NCAM1: variants seen among roughly 807,000 people sequenced by gnomAD.
NCAM1 encodes neural cell adhesion molecule 1, also known as antigen recognized by monoclonal antibody 5.1H11.
In NCAM1, 14 loss-of-function variants were observed where a neutral mutation model predicts 109.8. The ratio of observed to expected loss-of-function variants is 0.13; its 90% CI spans 0.08 to 0.20. The LOEUF (loss-of-function observed/expected upper bound fraction) is 0.20. Ranked by LOEUF, NCAM1 falls within the 10% of genes least tolerant of loss-of-function variation. NCAM1 has a pLI of 1.00. For synonymous variants in NCAM1, 418 were observed against 442.9 expected (o/e 0.94, Z 0.70); for missense variants, 774 against 1,109.9 (o/e 0.70, Z 4.30).
At chr11:113,165,161 C>A (rs936334197) in intron 1 of NCAM1, among the ~76,000 whole-genome samples, 1 of 152,146 alleles carries the variant, frequency 6.6e-6, no homozygotes, top group Non-Finnish European at 1.5e-5. Flanking sequence ...TGTGAAGTAG[C>A]CTGTGGCATT....
At chr11:112,977,071 G>T (rs1387403447) in intron 1 of NCAM1, among the ~76,000 whole-genome samples, 1 of 151,320 alleles carries the variant, frequency 6.6e-6, no homozygotes, top group East Asian at 2.0e-4. Flanking sequence ...ATTAAGGAAG[G>T]CCTAACAGCT....
At chr11:113,162,981 C>T (rs1785465649) in intron 1 of NCAM1, among the ~76,000 whole-genome samples, 1 of 152,196 alleles carries the variant, frequency 6.6e-6, no homozygotes, top group African/African-American at 2.4e-5. Context: ...ACGCCCTCTC[C>T]ATCCCTTCAC....
intron 1 of NCAM1, among the ~76,000 whole-genome samples, chr11:113,078,316 T>C (rs1243843107): frequency 1.3e-5 from 2 of 152,164 alleles, no homozygotes; most frequent in East Asian, 3.9e-4. Context: ...GTCATTGGAT[T>C]TGGGGCCTTT....
At chr11:113,175,462 G>A (rs1194195704) in intron 1 of NCAM1, among the ~76,000 whole-genome samples, 5 of 152,212 alleles carry the variant, frequency 3.3e-5, no homozygotes, top group African/African-American at 1.2e-4. Flanking sequence ...TGCCTTTGTA[G>A]AAAGCCCTCT....
rs187027925 is a variant in NCAM1 at position 113,063,004 on chromosome 11, G to A, written c.52+101340G>A. Among the ~76,000 whole-genome samples the A allele has an allele frequency of 3.0e-3, 453 of 152,214 alleles. 2 individuals are homozygous for A. The highest frequency in any genetic ancestry group is 3.0e-3 in the Non-Finnish European group (206 of 68,016). Reference sequence around the variant, plus strand: ...AGGAAACCAGGTCTGTGAAGAATGGGAGGAAGGAATGTTCCAATAGAAGGA... The same window carrying A: ...AGGAAACCAGGTCTGTGAAGAATGGAAGGAAGGAATGTTCCAATAGAAGGA... On this transcript the variant is annotated intron_variant, in intron 1 of 19. Coordinates refer to ENST00000316851, the MANE Select transcript of NCAM1 (RefSeq NM_181351.5).
At chr11:113,039,068 A>G (rs1311640295) in intron 1 of NCAM1, among the ~76,000 whole-genome samples, 1 of 152,094 alleles carries the variant, frequency 6.6e-6, no homozygotes, top group Admixed American at 6.5e-5. Flanking sequence ...CAAAGGGAAA[A>G]CTCACTGATT....
chr11:113,017,217 G>A (rs1555075398), intron 1 of NCAM1, among the ~76,000 whole-genome samples: 1 of 152,288 alleles, frequency 6.6e-6, no homozygotes, highest in East Asian at 1.9e-4. Context: ...CGAGAGGTTT[G>A]TTGTTTGGTC....
chr11:113,003,606 G>A (rs1196237171), intron 1 of NCAM1, among the ~76,000 whole-genome samples: 1 of 152,170 alleles, frequency 6.6e-6, no homozygotes, highest in Non-Finnish European at 1.5e-5. Context: ...GGAAAAATAT[G>A]TATTAAACCC....
intron 16 of NCAM1, among the ~76,000 whole-genome samples, chr11:113,258,671 A>G (rs1033513531): frequency 3.3e-5 from 5 of 152,222 alleles, no homozygotes; most frequent in Non-Finnish European, 7.3e-5. Context: ...GCCCAGAGAA[A>G]AATATTTAAG....
intron 7 of NCAM1, among the ~76,000 whole-genome samples, chr11:113,209,921 G>A (rs1345859328): frequency 6.6e-6 from 1 of 152,170 alleles, no homozygotes; most frequent in African/African-American, 2.4e-5. Context: ...TGAAGGAGTG[G>A]ATGAGAATTT....
chr11:113,187,495 T>C (rs1189788431), intron 1 of NCAM1, among the ~76,000 whole-genome samples: 1 of 152,044 alleles, frequency 6.6e-6, no homozygotes. Flanking sequence ...GGCAAATAAC[T>C]CACAGTCCAG....
chr11:113,172,709 G>A (rs1943031758), intron 1 of NCAM1, among the ~76,000 whole-genome samples: 1 of 152,124 alleles, frequency 6.6e-6, no homozygotes, highest in Non-Finnish European at 1.5e-5. Flanking sequence ...GAATAAAGCT[G>A]TTTTACCATG....
At chr11:113,095,397 A>C (rs1939550256) in intron 1 of NCAM1, among the ~76,000 whole-genome samples, 1 of 152,170 alleles carries the variant, frequency 6.6e-6, no homozygotes, top group Non-Finnish European at 1.5e-5. Flanking sequence ...CTTTCAGCAC[A>C]GTGGTCGATA....
At chr11:113,039,921 A>G (rs1953014738) in intron 1 of NCAM1, among the ~76,000 whole-genome samples, 1 of 152,222 alleles carries the variant, frequency 6.6e-6, no homozygotes, top group African/African-American at 2.4e-5. Context: ...CAGGCAGATC[A>G]TCTGAGGTCA....
intron 1 of NCAM1, chr11:113,133,688 G>A (rs1555098818): frequency 1.3e-5 from 2 of 152,150 alleles, no homozygotes; most frequent in African/African-American, 2.4e-5. Flanking sequence ...GGGAATCTTT[G>A]TGTTTATGAG....
intron 17 of NCAM1, among the ~76,000 whole-genome samples, chr11:113,261,839 G>T (rs1946009262): frequency 6.6e-6 from 1 of 152,156 alleles, no homozygotes; most frequent in Non-Finnish European, 1.5e-5. Context: ...GTTTGGACCT[G>T]CTGTGTTCAC....
At chr11:113,151,230 G>A (rs1189895052) in intron 1 of NCAM1, among the ~76,000 whole-genome samples, 2 of 152,164 alleles carry the variant, frequency 1.3e-5, no homozygotes, top group Admixed American at 1.3e-4. Flanking sequence ...AAAAATGCCA[G>A]CTGCAACCAA....
intron 1 of NCAM1, among the ~76,000 whole-genome samples, chr11:113,091,668 T>G (rs1309079055): frequency 6.6e-6 from 1 of 151,950 alleles, no homozygotes; most frequent in African/African-American, 2.4e-5. Context: ...ACATGAAGAG[T>G]TAGTGCTGCT....
At chr11:113,239,203 C>G (rs1945256742) in intron 14 of NCAM1, among the ~76,000 whole-genome samples, 1 of 152,072 alleles carries the variant, frequency 6.6e-6, no homozygotes, top group Admixed American at 6.6e-5. Flanking sequence ...AAGCTGTGAC[C>G]CCAGACCAAC....
Sources: allele counts gnomAD v4.1 joint callset (sites outside exome capture counted in the v4.1 genomes callset), GRCh38; gene constraint gnomAD v4.1.1; transcripts MANE v1.5; gene names NCBI Gene and HGNC (gene_info 2026-07-23, HGNC 2026-07-21).